Variants in PRELID2 observed in about 807,000 individuals in gnomAD.
PRELID2 encodes the protein PRELI domain-containing protein 2.
PRELID2 carries 25 observed loss-of-function variants against 28.4 expected under a neutral mutation model. The ratio of observed to expected loss-of-function variants is 0.88; its 90% confidence interval spans 0.64 to 1.23. The LOEUF is 1.23. Ranked by LOEUF, PRELID2 falls within the 50% of genes most tolerant of loss-of-function variation. PRELID2 has a pLI of 0.00. For missense variants in PRELID2, 201 were observed against 214.4 expected, an observed-to-expected ratio of 0.94 and a Z score of 0.39; for synonymous variants, 76 against 71.6, an observed-to-expected ratio of 1.06 and a Z score of -0.31.
intron 1 of PRELID2, among the ~76,000 whole-genome samples, chr5:145,479,682 A>C (rs424201): frequency 0.69 from 105,351 of 152,048 alleles, 37,230 homozygotes; most frequent in Non-Finnish European, 0.73. Context: ...GGTTAAGTTA[A>C]TCTCTCATAG....
the PRELID2 span, among the ~76,000 whole-genome samples, chr5:145,342,931 C>G: frequency 6.8e-6 from 1 of 146,658 alleles, no homozygotes; most frequent in East Asian, 2.0e-4. Context: ...CAAAGAAAGT[C>G]TTATAATGAT....
chr5:145,723,186 A>G (rs948536817), intron 1 of PRELID2, among the ~76,000 whole-genome samples: 1 of 152,224 alleles, frequency 6.6e-6, no homozygotes, highest in African/African-American at 2.4e-5. Flanking sequence ...TGAAAATAAT[A>G]CATAATGACC....
chr5:145,741,249 A>G (rs1292571115), intron 1 of PRELID2, among the ~76,000 whole-genome samples: 3 of 112,832 alleles, frequency 2.7e-5, no homozygotes, highest in African/African-American at 1.1e-4. Context: ...TAAATATATA[A>G]TATATAAATA....
intron 1 of PRELID2, among the ~76,000 whole-genome samples, chr5:145,568,070 A>C (rs899454437): frequency 1.3e-5 from 2 of 152,224 alleles, no homozygotes; most frequent in Non-Finnish European, 2.9e-5. Flanking sequence ...AGAAAGGAGA[A>C]GCACAGAAGG....
At chr5:145,524,928 C>A (rs144025721) in intron 1 of PRELID2, among the ~76,000 whole-genome samples, 26 of 152,308 alleles carry the variant, frequency 1.7e-4, no homozygotes, top group African/African-American at 6.0e-4. Flanking sequence ...CTACCACGGC[C>A]TCTGTTACAT....
the PRELID2 span, among the ~76,000 whole-genome samples, chr5:145,358,659 T>A: frequency 6.6e-6 from 1 of 152,110 alleles, no homozygotes; most frequent in Non-Finnish European, 1.5e-5. Flanking sequence ...GTAATGGAAT[T>A]AAGACACAGA....
intron 1 of PRELID2, among the ~76,000 whole-genome samples, chr5:145,661,068 G>A (rs79826920): frequency 0.016 from 2,431 of 152,238 alleles, 78 homozygotes; most frequent in African/African-American, 0.054. Flanking sequence ...GGCATATGAG[G>A]TAAAATAGCA....
chr5:145,626,332 A>G (rs1218851320), intron 1 of PRELID2, among the ~76,000 whole-genome samples: 1 of 152,200 alleles, frequency 6.6e-6, no homozygotes, highest in African/African-American at 2.4e-5. Flanking sequence ...ACAACTCAAT[A>G]AGAAAAACAT....
At chr5:145,466,818 A>G (rs952718472), downstream of PRELID2, among the ~76,000 whole-genome samples, 1 of 151,690 alleles carries the variant, frequency 6.6e-6, no homozygotes, top group Non-Finnish European at 1.5e-5. Flanking sequence ...ACCCCAACCC[A>G]CTCCCATTTA....
the PRELID2 span, among the ~76,000 whole-genome samples, chr5:145,411,044 G>A: frequency 4.6e-5 from 7 of 152,104 alleles, no homozygotes; most frequent in African/African-American, 1.7e-4. Context: ...CAGTCTCCAT[G>A]CAAGTGTGAA....
At chr5:145,370,567 C>T in the PRELID2 span, among the ~76,000 whole-genome samples, 4 of 152,064 alleles carry the variant, frequency 2.6e-5, no homozygotes, top group Non-Finnish European at 5.9e-5. Flanking sequence ...ATACCTCCAG[C>T]TTTGTTCTTT....
Position 145,756,924 on chromosome 5 carries a change from T to C in PRELID2, c.*3612A>G, listed in dbSNP as rs553501062. 7.9e-5 allele frequency among the ~76,000 whole-genome samples: 12 copies of C among 152,296 alleles called. No individual in the cohort carries two copies. The South Asian group carries it at 1.2e-3, about 16-fold the overall frequency. ...TGGTAGAACTCAAAGAGCAAATGTA[T>C]CTGGAGCCTTCAGTGTAGGGACTTT... On this transcript the variant is annotated 3_prime_UTR_variant, in exon 7 of 7. Transcript: ENST00000683046.
the PRELID2 span, among the ~76,000 whole-genome samples, chr5:145,324,463 T>C: frequency 6.6e-6 from 1 of 152,178 alleles, no homozygotes; most frequent in Non-Finnish European, 1.5e-5. Context: ...CATGTTCAAA[T>C]TGGTGAAGGG....
At chr5:145,382,903 A>G in the PRELID2 span, among the ~76,000 whole-genome samples, 2 of 151,866 alleles carry the variant, frequency 1.3e-5, no homozygotes, top group African/African-American at 4.8e-5. Flanking sequence ...TAAAAAATGA[A>G]ATAGTGTAAA....
At chr5:145,491,586 A>G (rs1308027915) in intron 1 of PRELID2, among the ~76,000 whole-genome samples, 1 of 90,762 alleles carries the variant, frequency 1.1e-5, no homozygotes, top group Non-Finnish European at 2.7e-5. Context: ...CTTTTCAAGA[A>G]TATAATATAT....
the PRELID2 span, among the ~76,000 whole-genome samples, chr5:145,273,540 T>C: frequency 6.6e-6 from 1 of 151,932 alleles, no homozygotes; most frequent in Non-Finnish European, 1.5e-5. Context: ...GAAAGGAGGA[T>C]TGGGTGTGAC....
At chr5:145,748,998 G>A (rs1476575558) in intron 1 of PRELID2, among the ~76,000 whole-genome samples, 1 of 152,118 alleles carries the variant, frequency 6.6e-6, no homozygotes, top group Non-Finnish European at 1.5e-5. Context: ...AGACTTAAAT[G>A]TAAAACCCCA....
chr5:145,581,139 A>G (rs1753104180), intron 1 of PRELID2, among the ~76,000 whole-genome samples: 1 of 151,606 alleles, frequency 6.6e-6, no homozygotes. Context: ...AGAAGCCCCA[A>G]TTCTCTCTTG....
chr5:145,279,536 C>T, the PRELID2 span, among the ~76,000 whole-genome samples: 2 of 152,100 alleles, frequency 1.3e-5, no homozygotes, highest in African/African-American at 4.8e-5. Flanking sequence ...GGTTTAAATA[C>T]ACAAACCATT....
Sources: gnomAD v4.1 joint callset for allele counts (sites outside exome capture counted in the v4.1 genomes callset) on GRCh38, gnomAD v4.1.1 for gene constraint, MANE v1.5 for transcripts, NCBI Gene and HGNC (gene_info 2026-07-23, HGNC 2026-07-21) for gene names.